Variants in CDH18 observed in about 807,000 individuals in gnomAD.
CDH18 encodes the protein cadherin 18.
Under a neutral mutation model 67.9 loss-of-function variants are expected in CDH18, and 31 were observed. That is an observed-to-expected ratio of 0.46 (90% CI 0.34 to 0.62). The LOEUF (loss-of-function observed/expected upper bound fraction) is 0.62, where lower values mean the gene tolerates loss of function less well. Ranked by LOEUF, CDH18 falls within the 20% of genes least tolerant of loss-of-function variation. The pLI is 0.01. For synonymous variants in CDH18, 362 were observed against 347.2 expected, an observed-to-expected ratio of 1.04 and a Z score of -0.48; for missense variants, 890 against 975.5, an observed-to-expected ratio of 0.91 and a Z score of 1.17.
At chr5:20,543,064 A>T (rs139582735) in intron 1 of CDH18, among the ~76,000 whole-genome samples, 1 of 152,018 alleles carries the variant, frequency 6.6e-6, no homozygotes, top group Admixed American at 6.6e-5. Context: ...AAACTTTTTA[A>T]AATTGTTTTA....
intron 2 of CDH18, among the ~76,000 whole-genome samples, chr5:20,141,202 C>T (rs1246324128): frequency 6.6e-6 from 1 of 152,114 alleles, no homozygotes; most frequent in Non-Finnish European, 1.5e-5. Context: ...CAAGTTGTTT[C>T]TTGAAAACAC....
At chr5:19,771,200 G>A (rs771940236) in intron 3 of CDH18, among the ~76,000 whole-genome samples, 5 of 152,292 alleles carry the variant, frequency 3.3e-5, no homozygotes, top group Non-Finnish European at 5.9e-5. Context: ...ACACCCTTGT[G>A]TAATGTCGTC....
intron 2 of CDH18, among the ~76,000 whole-genome samples, chr5:20,138,163 T>G (rs571086150): frequency 2.0e-5 from 3 of 151,702 alleles, no homozygotes; most frequent in Non-Finnish European, 4.4e-5. Context: ...GTTCAACATA[T>G]GCAAATCAAT....
intron 2 of CDH18, among the ~76,000 whole-genome samples, chr5:19,859,580 A>G (rs966759172): frequency 8.5e-5 from 13 of 152,098 alleles, no homozygotes; most frequent in African/African-American, 2.4e-4. Flanking sequence ...TGAAACCTGT[A>G]TCCACAACTC....
intron 3 of CDH18, among the ~76,000 whole-genome samples, chr5:19,784,459 T>C (rs369447430): frequency 5.3e-5 from 8 of 152,316 alleles, no homozygotes; most frequent in African/African-American, 1.7e-4. Context: ...AAGACTATTA[T>C]ATAACATTCT....
chr5:20,003,622 C>T (rs2150404094), intron 2 of CDH18, among the ~76,000 whole-genome samples: 1 of 152,208 alleles, frequency 6.6e-6, no homozygotes, highest in Middle Eastern at 3.4e-3. Flanking sequence ...AGGCCGGTCG[C>T]GGTGGCTCAA....
intron 3 of CDH18, among the ~76,000 whole-genome samples, chr5:19,755,335 G>T (rs1197932658): frequency 6.8e-6 from 1 of 147,376 alleles, no homozygotes; most frequent in Admixed American, 6.8e-5. Context: ...GAAATGAAAT[G>T]GGAGATATTA....
At chr5:19,964,685 T>A (rs1797258598) in intron 2 of CDH18, among the ~76,000 whole-genome samples, 1 of 151,020 alleles carries the variant, frequency 6.6e-6, no homozygotes, top group Admixed American at 6.6e-5. Flanking sequence ...AGAAAAGACC[T>A]TGAATGTAAA....
At chr5:20,055,013 A>T (rs74538810) in intron 2 of CDH18, among the ~76,000 whole-genome samples, 1,750 of 152,278 alleles carry the variant, frequency 0.011, 38 homozygotes, top group African/African-American at 0.04. Context: ...GTTTGAAAAC[A>T]TCCTCCATTG....
intron 1 of CDH18, among the ~76,000 whole-genome samples, chr5:20,341,469 T>A (rs1228688464): frequency 6.6e-6 from 1 of 151,962 alleles, no homozygotes; most frequent in African/African-American, 2.4e-5. Context: ...GACCTTGTGA[T>A]GATGTAAGTT....
chr5:20,388,889 T>C (rs1744565939), intron 1 of CDH18, among the ~76,000 whole-genome samples: 1 of 152,230 alleles, frequency 6.6e-6, no homozygotes, highest in East Asian at 1.9e-4. Flanking sequence ...TCCTGAGTTC[T>C]AGTTTGATTG....
At chr5:19,932,619 C>T (rs1175969235) in intron 2 of CDH18, among the ~76,000 whole-genome samples, 1 of 151,736 alleles carries the variant, frequency 6.6e-6, no homozygotes, top group Non-Finnish European at 1.5e-5. Flanking sequence ...CTTCTCCAAT[C>T]TTTGCAGTTC....
rs527536784 is a variant in CDH18, at chr5:20,197,203, G to A, written c.-518+58241C>T. 2.0e-3 allele frequency among the ~76,000 whole-genome samples: 304 copies of A among 152,070 alleles called. 1 individual carries two copies. The highest frequency in any genetic ancestry group is 7.1e-3 in the African/African-American group (295 of 41,486). On this transcript the variant is annotated intron_variant, in intron 2 of 14. Coordinates refer to the CDH18 transcript ENST00000507958. ...ATTATTTGTATTTTAGTAGAGATGG[G>A]GTTTCACCATGTTCCCCAGGCTGGT... is the stretch of plus-strand genomic sequence containing the variant.
At chr5:20,085,682 A>G (rs1270908390) in intron 2 of CDH18, among the ~76,000 whole-genome samples, 1 of 152,176 alleles carries the variant, frequency 6.6e-6, no homozygotes, top group Non-Finnish European at 1.5e-5. Context: ...AAGGAAGAGC[A>G]AGTCTTGTCT....
At chr5:20,387,151 G>C (rs1562022611) in intron 1 of CDH18, among the ~76,000 whole-genome samples, 1 of 151,992 alleles carries the variant, frequency 6.6e-6, no homozygotes, top group Non-Finnish European at 1.5e-5. Flanking sequence ...TGTAAGAATG[G>C]ATATAAAAGT....
chr5:20,129,486 C>T (rs1370090799), intron 2 of CDH18, among the ~76,000 whole-genome samples: 2 of 151,980 alleles, frequency 1.3e-5, no homozygotes, highest in Non-Finnish European at 2.9e-5. Flanking sequence ...ATACTATGCA[C>T]CAGAGATGCT....
intron 10 of CDH18, among the ~76,000 whole-genome samples, chr5:19,503,724 A>G (rs990050724): frequency 1.3e-5 from 2 of 152,132 alleles, no homozygotes; most frequent in Non-Finnish European, 2.9e-5. Flanking sequence ...AGGAGAAAGC[A>G]ATTCTTTAGA....
chr5:20,396,282 T>C (rs1216965128), intron 1 of CDH18, among the ~76,000 whole-genome samples: 2 of 152,064 alleles, frequency 1.3e-5, no homozygotes, highest in East Asian at 3.9e-4. Flanking sequence ...TGGTATCTGC[T>C]GGAGATGTGC....
chr5:20,572,256 G>A (rs538384268), intron 1 of CDH18, among the ~76,000 whole-genome samples: 2 of 151,298 alleles, frequency 1.3e-5, no homozygotes, highest in South Asian at 4.2e-4. Flanking sequence ...CTTTTTAGCT[G>A]CCTGCTGATC....
Sources: gnomAD v4.1 joint callset for allele counts (sites outside exome capture counted in the v4.1 genomes callset) on GRCh38, gnomAD v4.1.1 for gene constraint, MANE v1.5 for transcripts, NCBI Gene and HGNC (gene_info 2026-07-23, HGNC 2026-07-21) for gene names.